LMO3: variants seen among roughly 807,000 people sequenced by gnomAD.
The protein encoded by LMO3 is LIM domain only protein 3.
Under a neutral mutation model 15.8 loss-of-function variants are expected in LMO3, and 2 were observed. The ratio of observed to expected loss-of-function variants is 0.13; its 90% CI spans 0.05 to 0.40. The LOEUF (loss-of-function observed/expected upper bound fraction) is 0.40, where lower values mean the gene tolerates loss of function less well. Among genes scored for constraint, LMO3 ranks in the 10% least tolerant of loss-of-function variants. LMO3 has a pLI of 0.99. For missense variants in LMO3, 86 were observed against 182.2 expected (o/e 0.47, Z 3.04); for synonymous variants, 62 against 63.8 (o/e 0.97, Z 0.13).
At chr12:16,608,440 C>G (rs1944070381), upstream of LMO3, 1 of 152,062 alleles carries the variant, frequency 6.6e-6, no homozygotes, top group Non-Finnish European at 1.5e-5. The surrounding 1 kb of genome is among the most constrained non-coding windows in gnomAD (Gnocchi z 4.1). Context: ...AATCATTCAA[C>G]TAATTAAATG....
intron 2 of LMO3, among the ~76,000 whole-genome samples, chr12:16,567,914 T>TA (rs1942672760): frequency 1.3e-5 from 2 of 152,164 alleles, no homozygotes; most frequent in Non-Finnish European, 2.9e-5. Flanking sequence ...TAGTTGGACT[T>TA]ACTGAGTAGC....
chr12:16,572,688 T>C (rs1942857088), intron 2 of LMO3, among the ~76,000 whole-genome samples: 1 of 147,822 alleles, frequency 6.8e-6, no homozygotes, highest in Non-Finnish European at 1.5e-5. Flanking sequence ...ATTATATATA[T>C]AATTTAAATA....
intron 3 of LMO3, among the ~76,000 whole-genome samples, chr12:16,554,765 T>C (rs1200791212): frequency 6.6e-6 from 1 of 152,196 alleles, no homozygotes; most frequent in Non-Finnish European, 1.5e-5. Context: ...CCCGCCATTC[T>C]CCTGCCTCAG....
intron 2 of LMO3, chr12:16,600,258 T>C (rs1305413181): frequency 6.7e-6 from 1 of 150,252 alleles, no homozygotes; most frequent in Non-Finnish European, 1.4e-5. Flanking sequence ...AATTTCTTTG[T>C]GTTATGCTCA....
rs114253737 is a variant in LMO3 at position 16,576,605 on chromosome 12, C to T, written c.207-16067G>A. ...GTTACGTACCTGTTTGTCTCTTTCT[C>T]ACTACATAATAAGCTCCCTGAAAAC... On this transcript the variant is annotated intron_variant, in intron 2 of 3. Transcript: ENST00000537304. This position sits in a 1 kb window ranked among gnomAD's most constrained non-coding sequence, Gnocchi z 4.1. Among the ~76,000 whole-genome samples, 4,454 of 152,292 alleles carry T rather than the reference C, an allele frequency of 0.029. 97 individuals carry two copies. The highest frequency in any genetic ancestry group is 0.071 in the Middle Eastern group (21 of 294).
intron 2 of LMO3, among the ~76,000 whole-genome samples, chr12:16,575,817 A>G (rs1006497919): frequency 9.4e-4 from 1 of 1,060 alleles, no homozygotes; most frequent in Non-Finnish European, 7.7e-3. Context: ...ATAAAGCTAA[A>G]TTCTTCACTT....
rs973618169 is a variant in LMO3 at position 16,560,296 on chromosome 12, C to T, written c.332+117G>A. ...TGGCATGGGATTAAAGTTTACAGAA[C>T]AGAAAAACGCTGAGATTGATTGCTT... is the stretch of plus-strand genomic sequence containing the variant. On this transcript the variant is annotated intron_variant, in intron 3 of 3. Transcript: ENST00000537304. This position sits in a 1 kb window ranked among gnomAD's most constrained non-coding sequence, Gnocchi z 5.0. 3.4e-6 allele frequency: 4 copies of T among 1,179,684 alleles called. No homozygotes were observed. The highest frequency in any genetic ancestry group is 3.1e-5 in the African/African-American group (2 of 64,908). 73.1% of individuals were successfully genotyped at this position (1,179,684 alleles called of 1,614,324 possible).
intron 2 of LMO3, chr12:16,600,446 G>T: frequency 1.8e-6 from 1 of 551,874 alleles, no homozygotes; most frequent in Admixed American, 3.3e-5. Flanking sequence ...AAGCCAAATT[G>T]AAATACTTTA....
At position 16,576,960 on chromosome 12, in the gene LMO3, C is replaced by G. The variant is rs1372897600; in HGVS notation, c.207-16422G>C. ...TAGAAATAACCCAATAAGGGCAAAG[C>G]TATATGAGTAAAACTACACTGGAAG... On this transcript the variant is annotated intron_variant, in intron 2 of 3. Transcript: ENST00000537304. The surrounding 1 kb of genome is among the most constrained non-coding windows in gnomAD (Gnocchi z 4.1). 6.6e-6 allele frequency among the ~76,000 whole-genome samples: 1 copy of G among 152,190 alleles called. No homozygotes were observed. The highest frequency in any genetic ancestry group is 2.4e-5 in the African/African-American group (1 of 41,448).
chr12:16,579,490 G>A (rs1218134069), intron 2 of LMO3, among the ~76,000 whole-genome samples: 1 of 152,164 alleles, frequency 6.6e-6, no homozygotes, highest in Non-Finnish European at 1.5e-5. Flanking sequence ...AAAAGCCAAC[G>A]CAGATGTATA....
intron 2 of LMO3, among the ~76,000 whole-genome samples, chr12:16,567,171 G>C (rs1335319538): frequency 6.6e-6 from 1 of 151,784 alleles, no homozygotes; most frequent in East Asian, 1.9e-4. Context: ...ACTCCAGCCT[G>C]GGCAATAAGA....
Position 16,549,825 on chromosome 12 carries a change from A to G in LMO3, c.*1397T>C, listed in dbSNP as rs1487449950. On this transcript the variant is annotated 3_prime_UTR_variant, in exon 4 of 4. Coordinates refer to ENST00000537304, the MANE Select transcript of LMO3 (RefSeq NM_018640.5). ...TTCCTTAATTGTAATTTAAATAATC[A>G]TTCTCCATAATTTCTCTTTCTAGAG... is the stretch of plus-strand genomic sequence containing the variant. 2 of 152,058 alleles carry G rather than the reference A, an allele frequency of 1.3e-5. No individual in the cohort carries two copies. Among genetic ancestry groups the G allele is most frequent in the Admixed American group, 1.3e-4 (2 of 15,264 alleles). 9.4% of individuals were successfully genotyped at this position (152,058 alleles called of 1,614,324 possible).
At chr12:16,605,378 A>G in intron 1 of LMO3, 2 of 1,184,576 alleles carry the variant, frequency 1.7e-6, no homozygotes, top group Non-Finnish European at 2.1e-6. Context: ...CTATTAGGAT[A>G]TAGGCACCTT....
intron 2 of LMO3, among the ~76,000 whole-genome samples, chr12:16,579,546 T>C (rs1454975329): frequency 6.6e-6 from 1 of 152,134 alleles, no homozygotes; most frequent in African/African-American, 2.4e-5. Flanking sequence ...TATGGCCTAA[T>C]AATTTGAAAA....
Position 16,548,759 on chromosome 12 carries a change from G to A in LMO3, c.*2463C>T, listed in dbSNP as rs914278722. 1.3e-5 allele frequency: 2 copies of A among 152,138 alleles called. No individual in the cohort carries two copies. Among genetic ancestry groups the A allele is most frequent in the African/African-American group, 4.8e-5 (2 of 41,442 alleles). The allele number at this position is 152,138 out of a possible 1,614,324, so 9.4% of individuals were successfully genotyped here. ...TGCTACAATTTATGGGCAATTAGCT[G>A]TAAAATGGCCTACAGCTGAAACACT... On this transcript the variant is annotated 3_prime_UTR_variant, in exon 4 of 4. Transcript: ENST00000537304. This position sits in a 1 kb window ranked among gnomAD's most constrained non-coding sequence, Gnocchi z 4.2.
At chr12:16,554,676 TAGTC>T (rs779546762) in intron 3 of LMO3, among the ~76,000 whole-genome samples, 3 of 152,184 alleles carry the variant, frequency 2.0e-5, no homozygotes, top group Non-Finnish European at 4.4e-5. Flanking sequence ...TATATGCTCT[TAGTC>T]AGAAAATAAA....
intron 1 of LMO3, chr12:16,605,457 G>T: frequency 1.9e-6 from 1 of 519,824 alleles, no homozygotes; most frequent in South Asian, 9.3e-5. Flanking sequence ...CCGCCCCCAT[G>T]CCCAAACACA....
rs770549831 is a variant in LMO3, at chr12:16,597,161, T to C, written c.206+3494A>G. Among the ~76,000 whole-genome samples, 1 of 151,756 alleles carries C rather than the reference T, an allele frequency of 6.6e-6. No individual in the cohort carries two copies. Among genetic ancestry groups the C allele is most frequent in the Non-Finnish European group, 1.5e-5 (1 of 67,710 alleles). On this transcript the variant is annotated intron_variant, in intron 2 of 3. Coordinates refer to ENST00000537304, the MANE Select transcript of LMO3 (RefSeq NM_018640.5). The surrounding 1 kb of genome is among the most constrained non-coding windows in gnomAD (Gnocchi z 5.0). Reference sequence around the variant, plus strand: ...ATGTTCCACAGCTAAATGAATGATATGCCAGTCCAGTTCTGGAAAGTGAAA... The same window carrying C: ...ATGTTCCACAGCTAAATGAATGATACGCCAGTCCAGTTCTGGAAAGTGAAA...
At chr12:16,566,105 C>G (rs1269711697) in intron 2 of LMO3, among the ~76,000 whole-genome samples, 1 of 140,394 alleles carries the variant, frequency 7.1e-6, no homozygotes, top group Non-Finnish European at 1.5e-5. Flanking sequence ...CCTGGATGAA[C>G]CTGGAGGGCA....
Sources: allele counts gnomAD v4.1 joint callset (sites outside exome capture counted in the v4.1 genomes callset), GRCh38; gene constraint gnomAD v4.1.1; non-coding constraint Gnocchi (gnomAD v3.1); transcripts MANE v1.5; gene names NCBI Gene and HGNC (gene_info 2026-07-23, HGNC 2026-07-21).